Variants in ADARB2 observed in about 807,000 individuals in gnomAD.
ADARB2 encodes inactive double-stranded RNA-specific editase B2.
Under a neutral mutation model 62.2 loss-of-function variants are expected in ADARB2, and 25 were observed. The ratio of observed to expected loss-of-function variants is 0.40; its 90% CI spans 0.29 to 0.56. The LOEUF (loss-of-function observed/expected upper bound fraction) is 0.56, where lower values mean the gene tolerates loss of function less well. Ranked by LOEUF, ADARB2 falls within the 20% of genes least tolerant of loss-of-function variation. The pLI is 0.43. For missense variants in ADARB2, 1,071 were observed against 1,077.4 expected, an observed-to-expected ratio of 0.99 and a Z score of 0.08; for synonymous variants, 572 against 500.8, an observed-to-expected ratio of 1.14 and a Z score of -1.90.
intron 3 of ADARB2, chr10:1,290,905 T>A (rs1831460225): frequency 6.6e-6 from 1 of 152,236 alleles, no homozygotes; most frequent in South Asian, 2.1e-4. Flanking sequence ...TCTGGTCTAC[T>A]CAGGAAGATA....
intron 1 of ADARB2, among the ~76,000 whole-genome samples, chr10:1,602,303 G>A (rs2132015261): frequency 6.6e-6 from 1 of 152,316 alleles, no homozygotes; most frequent in African/African-American, 2.4e-5. Context: ...AGGCCTGAGA[G>A]CCAGGTCCAC....
At chr10:1,498,804 C>T (rs942542505) in intron 1 of ADARB2, among the ~76,000 whole-genome samples, 1 of 152,192 alleles carries the variant, frequency 6.6e-6, no homozygotes, top group Admixed American at 6.5e-5. Flanking sequence ...ATCACTTACT[C>T]ATCATTCATT....
chr10:1,416,050 A>G (rs536650731), intron 1 of ADARB2, among the ~76,000 whole-genome samples: 1 of 152,378 alleles, frequency 6.6e-6, no homozygotes, highest in African/African-American at 2.4e-5. Context: ...ATGGGGCTTA[A>G]CAAGCAGTAC....
intron 1 of ADARB2, among the ~76,000 whole-genome samples, chr10:1,529,793 G>C (rs193058759): frequency 6.6e-6 from 1 of 152,180 alleles, no homozygotes; most frequent in Non-Finnish European, 1.5e-5. Flanking sequence ...GAGTTCAGGG[G>C]CACGCGCAGG....
intron 1 of ADARB2, among the ~76,000 whole-genome samples, chr10:1,714,973 G>A (rs1029137619): frequency 6.6e-6 from 1 of 151,696 alleles, no homozygotes; most frequent in Non-Finnish European, 1.5e-5. Flanking sequence ...TTTAGCATTA[G>A]GTATATCTCC....
At chr10:1,594,540 A>G (rs979838468) in intron 1 of ADARB2, among the ~76,000 whole-genome samples, 2 of 152,140 alleles carry the variant, frequency 1.3e-5, no homozygotes, top group African/African-American at 4.8e-5. Context: ...CTAACTCACC[A>G]TCAAGCGGCC....
chr10:1,539,373 C>A (rs898806142), intron 1 of ADARB2, among the ~76,000 whole-genome samples: 2 of 152,208 alleles, frequency 1.3e-5, no homozygotes, highest in Non-Finnish European at 2.9e-5. Flanking sequence ...GCCATTTTCT[C>A]CATGCCATGG....
intron 1 of ADARB2, among the ~76,000 whole-genome samples, chr10:1,711,263 ATCTGTGAGAACAAACTCAAGGTCTCCTG>A (rs1227664293): frequency 1.8e-4 from 28 of 152,258 alleles, no homozygotes; most frequent in African/African-American, 6.5e-4. Context: ...AAGGTCTCCT[ATCTGTGAGAACAAACTCAAGGTCTCCTG>A]TCTGTGAGAA....
At chr10:1,186,093 G>T (rs1027714962) in intron 8 of ADARB2, among the ~76,000 whole-genome samples, 1 of 152,210 alleles carries the variant, frequency 6.6e-6, no homozygotes, top group Admixed American at 6.5e-5. Context: ...CGGTGCAGCT[G>T]AGCCCCGCCA....
intron 1 of ADARB2, among the ~76,000 whole-genome samples, chr10:1,448,086 T>C (rs1830993728): frequency 6.6e-6 from 1 of 152,240 alleles, no homozygotes; most frequent in African/African-American, 2.4e-5. Flanking sequence ...ATTACAAACC[T>C]ATAGGCTAAA....
chr10:1,424,626 G>A (rs1468876780), intron 1 of ADARB2, among the ~76,000 whole-genome samples: 1 of 151,986 alleles, frequency 6.6e-6, no homozygotes, highest in African/African-American at 2.4e-5. Flanking sequence ...TGTGTGTCAT[G>A]ATGGTGCATC....
At chr10:1,731,381 C>A (rs187326019) in intron 1 of ADARB2, among the ~76,000 whole-genome samples, 4 of 152,278 alleles carry the variant, frequency 2.6e-5, no homozygotes, top group Admixed American at 2.6e-4. Context: ...GATACTAAGA[C>A]AGTAACATAT....
chr10:1,627,504 C>A (rs1347523336), intron 1 of ADARB2, among the ~76,000 whole-genome samples: 1 of 152,182 alleles, frequency 6.6e-6, no homozygotes, highest in Non-Finnish European at 1.5e-5. Flanking sequence ...AGTCCTTGCA[C>A]AGACCCCATA....
At chr10:1,637,221 T>C (rs534345098) in intron 1 of ADARB2, among the ~76,000 whole-genome samples, 12 of 149,408 alleles carry the variant, frequency 8.0e-5, no homozygotes, top group Non-Finnish European at 1.3e-4. Context: ...TGGCAGTTTA[T>C]ATTTCTGCCG....
chr10:1,515,486 A>C (rs974313434), intron 1 of ADARB2, among the ~76,000 whole-genome samples: 2 of 152,364 alleles, frequency 1.3e-5, no homozygotes, highest in African/African-American at 4.8e-5. Context: ...CAGAAGAGTA[A>C]GGACATCCCA....
chr10:1,647,700 A>G (rs1834061806), intron 1 of ADARB2, among the ~76,000 whole-genome samples: 1 of 151,846 alleles, frequency 6.6e-6, no homozygotes, highest in South Asian at 2.1e-4. Flanking sequence ...ATGTGTGCAT[A>G]TATGTGTGTA....
chr10:1,691,176 TAAG>T (rs1834667611), intron 1 of ADARB2, among the ~76,000 whole-genome samples: 1 of 152,054 alleles, frequency 6.6e-6, no homozygotes, highest in Admixed American at 6.6e-5. Flanking sequence ...TGGGTCCTGA[TAAG>T]AAGAGGAGAT....
chr10:1,600,040 C>T lies in ADARB2; in HGVS notation c.100+137011G>A, dbSNP rs371409773. Reference sequence around the variant, plus strand: ...GATTACAGACATGTGCCACTGTGCCCGGCCTGTGAAATAATTTGATGACAA... The same window carrying T: ...GATTACAGACATGTGCCACTGTGCCTGGCCTGTGAAATAATTTGATGACAA... On this transcript the variant is annotated intron_variant, in intron 1 of 9. Transcript: ENST00000381312. Among the ~76,000 whole-genome samples, 95 of 152,214 alleles carry T rather than the reference C, an allele frequency of 6.2e-4. 1 individual carries two copies. Among genetic ancestry groups the T allele is most frequent in the Middle Eastern group, 6.8e-3 (2 of 294 alleles).
chr10:1,533,683 A>G (rs1437827265), intron 1 of ADARB2, among the ~76,000 whole-genome samples: 1 of 152,190 alleles, frequency 6.6e-6, no homozygotes, highest in Non-Finnish European at 1.5e-5. Flanking sequence ...TTCCTAAACT[A>G]TGTTCCAAAG....
Sources: allele counts gnomAD v4.1 joint callset (sites outside exome capture counted in the v4.1 genomes callset), GRCh38; gene constraint gnomAD v4.1.1; transcripts MANE v1.5; gene names NCBI Gene and HGNC (gene_info 2026-07-23, HGNC 2026-07-21).